The following DPP4 variants were observed in gnomAD, a reference collection of about 807,000 sequenced individuals.
DPP4 encodes the protein ADCP-2.
A neutral mutation model predicts 122.4 loss-of-function variants in DPP4; 93 were observed. The ratio of observed to expected loss-of-function variants is 0.76; its 90% CI spans 0.64 to 0.90. The LOEUF (loss-of-function observed/expected upper bound fraction) is 0.90. Among genes scored for constraint, DPP4 ranks in the 40% least tolerant of loss-of-function variants. The pLI, the probability that DPP4 is intolerant of heterozygous loss-of-function variation, is 0.00. For synonymous variants in DPP4, 321 were observed against 302.9 expected, an observed-to-expected ratio of 1.06 and a Z score of -0.62; for missense variants, 914 against 907.3, an observed-to-expected ratio of 1.01 and a Z score of -0.09.
Position 162,035,394 on chromosome 2 carries a change from G to C in DPP4, c.614-70C>G, listed in dbSNP as rs977229818. 18 of 1,435,164 alleles carry C rather than the reference G, an allele frequency of 1.3e-5. No individual in the cohort carries two copies. In the African/African-American group the frequency reaches 2.6e-4, roughly 21 times the overall value. The allele number at this position is 1,435,164 out of a possible 1,614,324, so 88.9% of individuals were successfully genotyped here. Reference sequence around the variant, plus strand: ...AATTGGCTTTGGCATTCAAAATATTGTTCTCATTAGCTTTAGTAATTACAG... The same window carrying C: ...AATTGGCTTTGGCATTCAAAATATTCTTCTCATTAGCTTTAGTAATTACAG... On this transcript the variant is annotated intron_variant, in intron 8 of 25. Transcript: ENST00000360534.
At chr2:162,037,778 C>T (rs1388123322) in intron 8 of DPP4, among the ~76,000 whole-genome samples, 1 of 152,090 alleles carries the variant, frequency 6.6e-6, no homozygotes, top group Non-Finnish European at 1.5e-5. Flanking sequence ...GTCACTTTTT[C>T]CTAAGCCTTT....
intron 10 of DPP4, among the ~76,000 whole-genome samples, chr2:162,029,018 A>C (rs1023698062): frequency 2.6e-5 from 4 of 152,178 alleles, no homozygotes; most frequent in African/African-American, 7.2e-5. Context: ...TTTCAGCATA[A>C]AGTTCCTCAC....
intron 8 of DPP4, among the ~76,000 whole-genome samples, chr2:162,037,311 G>A (rs1683814803): frequency 6.6e-6 from 1 of 152,218 alleles, no homozygotes; most frequent in Admixed American, 6.5e-5. Context: ...TCTTGTCAAG[G>A]ATCCTGGAGG....
chr2:161,995,180 A>G, intron 24 of DPP4, 120 bp downstream of exon 24: 1 of 1,306,862 alleles, frequency 7.7e-7, no homozygotes, highest in Admixed American at 1.7e-5. Flanking sequence ...TGACTTGTGG[A>G]AAGCAACACT....
intron 2 of DPP4, among the ~76,000 whole-genome samples, chr2:162,060,692 G>A (rs1016437326): frequency 6.6e-6 from 1 of 152,096 alleles, no homozygotes; most frequent in Admixed American, 6.5e-5. Context: ...CATCAGTTCT[G>A]TGGTATCTGT....
intron 22 of DPP4, 80 bp downstream of exon 22, chr2:162,008,482 A>G: frequency 8.2e-7 from 1 of 1,220,742 alleles, no homozygotes; most frequent in African/African-American, 1.5e-5. Flanking sequence ...AAACACTGAA[A>G]CTCAGAAAGG....
At chr2:162,003,688 T>C (rs1187971293) in intron 23 of DPP4, among the ~76,000 whole-genome samples, 1 of 152,164 alleles carries the variant, frequency 6.6e-6, no homozygotes, top group East Asian at 1.9e-4. Flanking sequence ...AGTATTCTGG[T>C]TGGGTCGTTA....
Position 162,005,792 on chromosome 2 carries a change from G to T in DPP4, c.2005C>A (p.Arg669Ser). The T allele has an allele frequency of 1.2e-6, 2 of 1,612,614 alleles. No homozygotes were observed. The highest frequency in any genetic ancestry group is 1.7e-6 in the Non-Finnish European group (2 of 1,179,374). ...WEYYDSVYTE[R>S]YMGLPTPEDN... ...TCTGGAGTTGGGAGACCCATGTAAC[G>T]TTCTGTGTACACTGAGTCTGTGAAA... is the stretch of plus-strand genomic sequence containing the variant. The change falls in exon 23 of 26, where the codon CGT (arginine) becomes AGT (serine). Residue 669 changes from arginine to serine, a missense_variant. Coordinates refer to ENST00000360534, the MANE Select transcript of DPP4 (RefSeq NM_001935.4).
Position 162,028,057 on chromosome 2 carries a change from T to TAA in DPP4, c.888-3120_888-3119dup, listed in dbSNP as rs201617035. On this transcript the variant is annotated intron_variant, in intron 10 of 25. Transcript: ENST00000360534. The stretch of plus-strand genomic sequence containing the variant: ...CAGTCTGAGATGTCAAAGAATCATT[T>TAA]AAAAAAAAAAAAAACAAAAAACTGC... Among the ~76,000 whole-genome samples, 312 of 133,878 alleles carry TAA rather than the reference T, an allele frequency of 2.3e-3. 2 individuals are homozygous for TAA. Among genetic ancestry groups the TAA allele is most frequent in the Non-Finnish European group, 3.2e-3 (194 of 61,586 alleles). 87.8% of individuals were successfully genotyped at this position (133,878 alleles called of 152,430 possible). A position where few individuals can be genotyped will look rare whatever the true frequency, so the allele number is the denominator to read the frequency against.
At chr2:162,021,089 T>C (rs1488755679) in intron 12 of DPP4, among the ~76,000 whole-genome samples, 1 of 152,168 alleles carries the variant, frequency 6.6e-6, no homozygotes, top group African/African-American at 2.4e-5. Flanking sequence ...GAAACAGACA[T>C]ATTATTTTAT....
At chr2:162,020,446 A>G (rs922780936) in intron 13 of DPP4, 135 bp downstream of exon 13, 1 of 963,118 alleles carries the variant, frequency 1.0e-6, no homozygotes, top group Non-Finnish European at 1.5e-6. Context: ...ACATGACACA[A>G]TACACCACTG....
rs763551586 is a variant in DPP4 at position 162,038,430 on chromosome 2, GA to G, written c.493-9del. Reference sequence around the variant, plus strand: ...ATTGTTCCAAACATATGCCTAGAAGGAAAAAAAACAAGCATTGATATCTATA... The same window carrying G: ...ATTGTTCCAAACATATGCCTAGAAGGAAAAAAACAAGCATTGATATCTATA... On this transcript the variant is annotated splice_polypyrimidine_tract_variant and intron_variant, in intron 7 of 25. Transcript: ENST00000360534. 3.8e-6 allele frequency: 6 copies of G among 1,585,952 alleles called. No individual in the cohort carries two copies. Among genetic ancestry groups the G allele is most frequent in the African/African-American group, 1.4e-5 (1 of 72,732 alleles).
chr2:162,009,160 T>A (rs1701355176), intron 21 of DPP4, 81 bp downstream of exon 21: 2 of 1,401,962 alleles, frequency 1.4e-6, no homozygotes, highest in African/African-American at 1.4e-5. Context: ...CCTCCAAATA[T>A]GTATATACAA....
intron 11 of DPP4, among the ~76,000 whole-genome samples, chr2:162,023,339 A>G (rs138965706): frequency 2.0e-5 from 3 of 152,302 alleles, no homozygotes; most frequent in African/African-American, 7.2e-5. Context: ...TTAGCAATAG[A>G]TAGGCCTGTC....
Position 162,038,476 on chromosome 2 carries a change from C to G in DPP4, c.493-54G>C. Reference sequence around the variant, plus strand: ...TCTATAATACATGTCATATTTTTATCCCGGAATTGTAGAAACACTTATCTA... The same window carrying G: ...TCTATAATACATGTCATATTTTTATGCCGGAATTGTAGAAACACTTATCTA... On this transcript the variant is annotated intron_variant, in intron 7 of 25. Transcript: ENST00000360534. 5 of 1,536,284 alleles carry G rather than the reference C, an allele frequency of 3.3e-6. No homozygotes were observed. In the South Asian group the frequency reaches 4.9e-5, roughly 15 times the overall value.
intron 11 of DPP4, 45 bp from the exon 12 acceptor site, chr2:162,022,844 G>A (rs1393967328): frequency 6.3e-7 from 1 of 1,598,050 alleles, no homozygotes; most frequent in South Asian, 1.1e-5. Flanking sequence ...AGAGAAGTCA[G>A]ATGAAATCTA....
intron 20 of DPP4, among the ~76,000 whole-genome samples, chr2:162,010,647 C>T (rs1283695435): frequency 5.3e-5 from 8 of 152,134 alleles, no homozygotes; most frequent in Non-Finnish European, 1.0e-4. Flanking sequence ...CATAGAGGAG[C>T]GATCTGGATA....
rs1169948960 is a variant in DPP4, at chr2:162,045,513, A to C, written c.366+19T>G. 1.9e-6 allele frequency: 3 copies of C among 1,560,330 alleles called. No homozygotes were observed. The highest frequency in any genetic ancestry group is 2.7e-5 in the African/African-American group (2 of 73,876). ...TCTTGGATTATTTAAATGTTACAGT[A>C]AGAAAGCATTTATTTTACCTTCACG... is the stretch of plus-strand genomic sequence containing the variant. On this transcript the variant is annotated intron_variant, in intron 5 of 25. Coordinates refer to ENST00000360534, the MANE Select transcript of DPP4 (RefSeq NM_001935.4).
intron 17 of DPP4, 93 bp from the exon 18 acceptor site, chr2:162,016,959 C>A: frequency 1.4e-6 from 2 of 1,410,574 alleles, no homozygotes; most frequent in South Asian, 1.3e-5. Flanking sequence ...ATTCACTGAT[C>A]GGACTACACA....
Sources: gnomAD v4.1 joint callset for allele counts (sites outside exome capture counted in the v4.1 genomes callset) on GRCh38, gnomAD v4.1.1 for gene constraint, MANE v1.5 for transcripts, NCBI Gene and HGNC (gene_info 2026-07-23, HGNC 2026-07-21) for gene names.